The following FAM169A variants were observed in gnomAD, a reference collection of about 807,000 sequenced individuals.
The protein encoded by FAM169A is soluble lamin-associated protein of 75 kDa.
A neutral mutation model predicts 75.7 loss-of-function variants in FAM169A; 24 were observed. The ratio of observed to expected loss-of-function variants is 0.32; its 90% CI spans 0.23 to 0.45. FAM169A has a LOEUF of 0.45. FAM169A is among the 20% of genes least tolerant of loss of function. The pLI, the probability that FAM169A is intolerant of heterozygous loss-of-function variation, is 1.00. For missense variants in FAM169A, 673 were observed against 784.0 expected, an observed-to-expected ratio of 0.86 and a Z score of 1.69; for synonymous variants, 271 against 271.0, an observed-to-expected ratio of 1.00 and a Z score of 0.00.
chr5:74,803,011 G>A (rs2112535992), intron 8 of FAM169A, among the ~76,000 whole-genome samples: 2 of 152,138 alleles, frequency 1.3e-5, no homozygotes, highest in South Asian at 4.2e-4. Context: ...AACAAAAAGA[G>A]ATATAAATAG....
chr5:74,789,313 A>T (rs1002315316), intron 11 of FAM169A, among the ~76,000 whole-genome samples: 5 of 152,186 alleles, frequency 3.3e-5, no homozygotes, highest in African/African-American at 7.2e-5. Flanking sequence ...GGGACCTTCT[A>T]CCTCAGTAAA....
At chr5:74,815,392 T>C (rs775369807) in intron 5 of FAM169A, among the ~76,000 whole-genome samples, 1 of 152,090 alleles carries the variant, frequency 6.6e-6, no homozygotes, top group Non-Finnish European at 1.5e-5. Context: ...GGTTTCACCA[T>C]GTTGACTAGG....
intron 1 of FAM169A, among the ~76,000 whole-genome samples, chr5:74,842,817 A>G (rs1748952357): frequency 1.4e-5 from 2 of 145,560 alleles, no homozygotes; most frequent in Admixed American, 1.4e-4. Context: ...ATATAACATT[A>G]TGTAGGCAAT....
At position 74,779,929 on chromosome 5, in the gene FAM169A, T is replaced by A. The variant is rs1745328142; in HGVS notation, c.*1531A>T. On this transcript the variant is annotated 3_prime_UTR_variant, in exon 13 of 13. Coordinates refer to ENST00000687041, the MANE Select transcript of FAM169A (RefSeq NM_001376049.1). ...CTCAAATAATGACACAAAGTCTTAG[T>A]TTCTTTTGCATAAGGATCAAGATCA... The A allele has an allele frequency of 6.6e-6, 1 of 152,162 alleles. No individual in the cohort carries two copies. Among genetic ancestry groups the A allele is most frequent in the Non-Finnish European group, 1.5e-5 (1 of 68,014 alleles). The allele number at this position is 152,162 out of a possible 1,614,324, so 9.4% of individuals were successfully genotyped here.
chr5:74,866,615 C>G (rs971227480), upstream of FAM169A: 2 of 682,982 alleles, frequency 2.9e-6, no homozygotes, highest in Non-Finnish European at 3.6e-6. Context: ...CCCCGGCCGC[C>G]GTCACCCGGC....
At chr5:74,866,135 G>T (rs2112771579) in intron 1 of FAM169A, 30 bp downstream of exon 1, 1 of 965,820 alleles carries the variant, frequency 1.0e-6, no homozygotes, top group Non-Finnish European at 1.2e-6. Flanking sequence ...TCACCCAGCG[G>T]TCCGCGCCGG....
Position 74,838,863 on chromosome 5 carries a change from G to C in FAM169A, c.318+102C>G, listed in dbSNP as rs1748704986. The C allele has an allele frequency of 4.7e-6, 4 of 845,754 alleles. No individual in the cohort carries two copies. The African/African-American group carries it at 5.1e-5, about 11-fold the overall frequency. The allele number at this position is 845,754 out of a possible 1,614,324, so 52.4% of individuals were successfully genotyped here. On this transcript the variant is annotated intron_variant, in intron 4 of 12. Transcript: ENST00000687041. ...GAAATTCTAGGGTTTAATATAACCT[G>C]ATTATTTTTAAATGGGGAAGAGCTC... is the stretch of plus-strand genomic sequence containing the variant.
intron 1 of FAM169A, among the ~76,000 whole-genome samples, chr5:74,854,628 G>C (rs1227873472): frequency 6.6e-6 from 1 of 152,030 alleles, no homozygotes; most frequent in Admixed American, 6.6e-5. Context: ...CCAGCCTCTG[G>C]TGACCATCAC....
chr5:74,848,871 TTCTC>T (rs932284951), intron 1 of FAM169A: 13 of 152,290 alleles, frequency 8.5e-5, no homozygotes, highest in African/African-American at 2.4e-4. Flanking sequence ...AATCCCTTGC[TTCTC>T]TCTCTTTTTT....
In FAM169A at chr5:74,781,873, A is replaced by C. The variant is rs1367885777; in HGVS notation, c.1600T>G (p.Ser534Ala). 1 of 1,614,136 alleles carries C rather than the reference A, an allele frequency of 6.2e-7. No individual in the cohort carries two copies. Among genetic ancestry groups the C allele is most frequent in the Non-Finnish European group, 8.5e-7 (1 of 1,180,010 alleles). The change falls in exon 13 of 13, where the codon TCA becomes GCA. Residue 534 changes from serine (S) to alanine (A), a missense_variant. Coordinates refer to ENST00000687041, the MANE Select transcript of FAM169A (RefSeq NM_001376049.1). ...CCACCATCAGATCGTTCTTCATTTGACATAGTAGCAACATTGTCTGAACTC... is the reference window on the plus strand; with the variant it reads ...CCACCATCAGATCGTTCTTCATTTGCCATAGTAGCAACATTGTCTGAACTC... ...LGSSDNVATM[S>A]NEERSDGGFP...
chr5:74,830,414 G>C (rs1304161775), intron 5 of FAM169A, among the ~76,000 whole-genome samples: 1 of 152,152 alleles, frequency 6.6e-6, no homozygotes, highest in Non-Finnish European at 1.5e-5. Flanking sequence ...TAGAGGGACT[G>C]TTAACTATGG....
Position 74,866,354 on chromosome 5 carries a change from C to G in FAM169A, c.-193G>C. 1.0e-6 allele frequency: 1 copy of G among 984,576 alleles called. No homozygotes were observed. Among genetic ancestry groups the G allele is most frequent in the Non-Finnish European group, 1.2e-6 (1 of 829,674 alleles). The allele number at this position is 984,576 out of a possible 1,614,324, so 61.0% of individuals were successfully genotyped here. On this transcript the variant is annotated 5_prime_UTR_variant, in exon 1 of 13. Transcript: ENST00000687041. ...CCGGCTCCTCGTCGCGGGTCGGCCG[C>G]GGCCCACCGTGCCCTCCGACGACGT...
chr5:74,847,390 C>A (rs1318720674), intron 1 of FAM169A, among the ~76,000 whole-genome samples: 1 of 151,028 alleles, frequency 6.6e-6, no homozygotes, highest in Non-Finnish European at 1.5e-5. Flanking sequence ...GAATAACTGT[C>A]CTTTTGTGTC....
At chr5:74,861,463 T>C (rs1046920700) in intron 1 of FAM169A, among the ~76,000 whole-genome samples, 6 of 152,106 alleles carry the variant, frequency 3.9e-5, no homozygotes, top group African/African-American at 9.7e-5. Context: ...TGACCAGACA[T>C]AGTGGCTCCC....
At chr5:74,824,636 GA>G (rs1210893755) in intron 5 of FAM169A, among the ~76,000 whole-genome samples, 1 of 147,754 alleles carries the variant, frequency 6.8e-6, no homozygotes, top group Non-Finnish European at 1.5e-5. Context: ...ACATTGTTTA[GA>G]ATACAATAGT....
Position 74,782,998 on chromosome 5 carries a change from T to G in FAM169A, c.1397A>C (p.Asp466Ala). ...LKLQPFNSSE[D>A]STNLVPLVVE... ...CACCAGTGGAACAAGATTTGTAGAGTCTTCACTGGAATTAAAAGGCTGCAA... is the reference window on the plus strand; with the variant it reads ...CACCAGTGGAACAAGATTTGTAGAGGCTTCACTGGAATTAAAAGGCTGCAA... Residue 466 changes from aspartate (D) to alanine (A), a missense_variant, in exon 12 of 13, where the codon GAC (aspartate) becomes GCC (alanine). Asp to Ala is a moderately radical substitution (Grantham distance 126). Around this residue, in one of 3 missense-constraint regions of FAM169A, gnomAD observed 510 missense variants for 550.9 expected, o/e 0.93. Transcript: ENST00000687041. The G allele has an allele frequency of 1.2e-6, 2 of 1,613,924 alleles. No individual in the cohort carries two copies. Among genetic ancestry groups the G allele is most frequent in the Non-Finnish European group, 1.7e-6 (2 of 1,179,918 alleles).
At chr5:74,797,000 TAC>T (rs946024165) in intron 10 of FAM169A, among the ~76,000 whole-genome samples, 1 of 152,206 alleles carries the variant, frequency 6.6e-6, no homozygotes, top group Admixed American at 6.5e-5. Flanking sequence ...TGGACCACTG[TAC>T]TTCTCCCCAA....
intron 5 of FAM169A, among the ~76,000 whole-genome samples, chr5:74,829,830 G>A (rs1017716205): frequency 2.0e-5 from 3 of 151,910 alleles, no homozygotes; most frequent in South Asian, 2.1e-4. Context: ...AAAATTAGCC[G>A]GGCGTAATGG....
intron 5 of FAM169A, among the ~76,000 whole-genome samples, chr5:74,817,714 A>C (rs1747542691): frequency 6.6e-6 from 1 of 152,202 alleles, no homozygotes; most frequent in Non-Finnish European, 1.5e-5. Context: ...AATAATCTTG[A>C]CAAAGAACTT....
Sources: allele counts gnomAD v4.1 joint callset (sites outside exome capture counted in the v4.1 genomes callset), GRCh38; gene constraint gnomAD v4.1.1; regional missense constraint gnomAD v4.1.1; transcripts MANE v1.5; gene names NCBI Gene and HGNC (gene_info 2026-07-23, HGNC 2026-07-21).